TIAM1: variants seen among roughly 807,000 people sequenced by gnomAD.
TIAM1 encodes the protein TIAM Rac1 associated GEF 1, also known as rho guanine nucleotide exchange factor TIAM1.
A neutral mutation model predicts 163.5 loss-of-function variants in TIAM1; 65 were observed. The ratio of observed to expected loss-of-function variants is 0.40; its 90% CI spans 0.33 to 0.49. The LOEUF is 0.49. Ranked by LOEUF, TIAM1 falls within the 20% of genes least tolerant of loss-of-function variation. The probability of loss-of-function intolerance (pLI) is 0.77; values close to 1 mark genes in which losing one functional copy is unlikely to be tolerated. For synonymous variants in TIAM1, 833 were observed against 810.1 expected, an observed-to-expected ratio of 1.03 and a Z score of -0.48; for missense variants, 1,789 against 2,044.7, an observed-to-expected ratio of 0.87 and a Z score of 2.41.
At chr21:31,394,895 T>C (rs2077036266) in intron 2 of TIAM1, among the ~76,000 whole-genome samples, 2 of 152,032 alleles carry the variant, frequency 1.3e-5, no homozygotes, top group South Asian at 2.1e-4. Context: ...CCTTCCATAG[T>C]ATAAAGTGAT....
intron 15 of TIAM1, among the ~76,000 whole-genome samples, chr21:31,167,225 G>A (rs1417502358): frequency 2.6e-5 from 4 of 151,116 alleles, no homozygotes; most frequent in Non-Finnish European, 5.9e-5. Context: ...CCCAGTAGCT[G>A]GGATTACAGG....
At chr21:31,256,681 T>C (rs141591995) in intron 4 of TIAM1, among the ~76,000 whole-genome samples, 1 of 150,538 alleles carries the variant, frequency 6.6e-6, no homozygotes, top group Non-Finnish European at 1.5e-5. Context: ...CAGTATACTC[T>C]CCTTTGATAA....
chr21:31,180,160 C>G (rs2084947161), intron 15 of TIAM1, among the ~76,000 whole-genome samples: 2 of 152,106 alleles, frequency 1.3e-5, no homozygotes, highest in South Asian at 4.1e-4. Flanking sequence ...CCTGCCTTGG[C>G]CTCCCAAAGT....
chr21:31,536,087 C>T (rs1022675327), intron 1 of TIAM1, among the ~76,000 whole-genome samples: 9 of 152,186 alleles, frequency 5.9e-5, no homozygotes, highest in African/African-American at 2.2e-4. Flanking sequence ...AAATGCGGCA[C>T]AGGCAGAGAG....
chr21:31,217,736 G>A lies in TIAM1; in HGVS notation c.1996-37C>T, dbSNP rs566296422. 10 of 1,603,092 alleles carry A rather than the reference G, an allele frequency of 6.2e-6. No individual in the cohort carries two copies. The African/African-American group carries it at 1.3e-4, about 21-fold the overall frequency. On this transcript the variant is annotated intron_variant, in intron 8 of 27. Transcript: ENST00000541036. The stretch of plus-strand genomic sequence containing the variant: ...AAGGACAAGCAGCCACAAGGGAGAT[G>A]CATCAGGACCACCCACTTGTGCCTT...
At chr21:31,541,415 C>T (rs1985245158) in intron 1 of TIAM1, among the ~76,000 whole-genome samples, 1 of 151,970 alleles carries the variant, frequency 6.6e-6, no homozygotes, top group African/African-American at 2.4e-5. Context: ...CAAGATCATG[C>T]CACTGCACTC....
chr21:31,350,127 A>G (rs1302900171), intron 2 of TIAM1, among the ~76,000 whole-genome samples: 1 of 152,154 alleles, frequency 6.6e-6, no homozygotes, highest in African/African-American at 2.4e-5. Context: ...GTCCTTCCCA[A>G]TGGGGTCACA....
chr21:31,209,608 T>C (rs779994831), intron 11 of TIAM1, among the ~76,000 whole-genome samples: 3 of 152,352 alleles, frequency 2.0e-5, no homozygotes, highest in Admixed American at 6.5e-5. Context: ...GACAGAACAG[T>C]ACCCATAATA....
At chr21:31,436,734 G>T (rs560740571) in intron 2 of TIAM1, among the ~76,000 whole-genome samples, 6 of 152,074 alleles carry the variant, frequency 3.9e-5, no homozygotes, top group African/African-American at 1.4e-4. Flanking sequence ...AATGCAGGCA[G>T]ATCGTCTGAG....
intron 2 of TIAM1, among the ~76,000 whole-genome samples, chr21:31,359,406 T>G (rs145420840): frequency 6.6e-6 from 1 of 152,052 alleles, no homozygotes; most frequent in African/African-American, 2.4e-5. Flanking sequence ...AGTGAACAAA[T>G]AGTATTTGCT....
intron 2 of TIAM1, among the ~76,000 whole-genome samples, chr21:31,349,432 G>GT (rs1238099288): frequency 6.6e-6 from 1 of 152,236 alleles, no homozygotes; most frequent in Non-Finnish European, 1.5e-5. Context: ...CACACACACA[G>GT]TAAGGCTTTT....
rs66471514 is a variant in TIAM1 at position 31,376,037 on chromosome 21, T to TA, written c.-368-36616dup. On this transcript the variant is annotated intron_variant, in intron 2 of 28. Coordinates refer to the TIAM1 transcript ENST00000286827. ...GTGAGACTCCACCTCAAAAAAAATTTAAAAAAAAAAGAGTAGAAAAAAATA... is the reference window on the plus strand; with the variant it reads ...GTGAGACTCCACCTCAAAAAAAATTTAAAAAAAAAAAGAGTAGAAAAAAATA... Among the ~76,000 whole-genome samples, 1,105 of 150,056 alleles carry TA rather than the reference T, an allele frequency of 7.4e-3. 12 individuals are homozygous for TA. The highest frequency in any genetic ancestry group is 0.026 in the African/African-American group (1,055 of 40,870).
chr21:31,451,762 A>T lies in TIAM1; in HGVS notation c.-369+12221T>A, dbSNP rs865917061. Among the ~76,000 whole-genome samples, 1,052 of 134,992 alleles carry T rather than the reference A, an allele frequency of 7.8e-3. 21 individuals carry two copies. Among genetic ancestry groups the T allele is most frequent in the Middle Eastern group, 0.038 (10 of 264 alleles). The allele number at this position is 134,992 out of a possible 152,430, so 88.6% of individuals were successfully genotyped here. On this transcript the variant is annotated intron_variant, in intron 2 of 28. Transcript: ENST00000286827. ...GTGTGTGTGTGTGTGTGTGTGTGTG[A>T]GACACAGAGAGAGAGAGAGAGAGAG...
chr21:31,221,907 A>G (rs564098177), intron 8 of TIAM1, among the ~76,000 whole-genome samples: 59 of 152,354 alleles, frequency 3.9e-4, no homozygotes, highest in Admixed American at 7.8e-4. Context: ...TCTGGAGTCA[A>G]AAACTGAAAA....
intron 2 of TIAM1, among the ~76,000 whole-genome samples, chr21:31,461,416 G>A (rs1283556582): frequency 6.6e-6 from 1 of 152,034 alleles, no homozygotes; most frequent in African/African-American, 2.4e-5. Context: ...CCCGGGAGGC[G>A]GAGGTTGGAG....
At chr21:31,298,485 T>TAATCAAGTGATC (rs2074373848) in intron 2 of TIAM1, among the ~76,000 whole-genome samples, 3 of 152,218 alleles carry the variant, frequency 2.0e-5, no homozygotes, top group Admixed American at 2.0e-4. Flanking sequence ...CTACTTGTAA[T>TAATCAAGTGATC]AATCAAGTGA....
rs947296083 is a variant in TIAM1, at chr21:31,478,308, C to G, written c.-421-14273G>C. On this transcript the variant is annotated intron_variant, in intron 1 of 28. Transcript: ENST00000286827. ...CCAGATGAGTCCTCTTAAAATAGAA[C>G]CAAGCTTTCTGTTTAGTCTGGATTT... Among the ~76,000 whole-genome samples the G allele has an allele frequency of 3.3e-4, 50 of 152,090 alleles. 2 individuals carry two copies. Among genetic ancestry groups the G allele is most frequent in the Non-Finnish European group, 7.4e-5 (5 of 68,022 alleles).
chr21:31,548,725 G>A (rs2048585326), intron 1 of TIAM1, among the ~76,000 whole-genome samples: 2 of 151,786 alleles, frequency 1.3e-5, no homozygotes, highest in Admixed American at 1.3e-4. Flanking sequence ...CTGGCCACAA[G>A]CGATCCACCC....
intron 2 of TIAM1, among the ~76,000 whole-genome samples, chr21:31,434,741 C>G (rs1322726735): frequency 6.6e-6 from 1 of 152,172 alleles, no homozygotes; most frequent in African/African-American, 2.4e-5. Flanking sequence ...AGTGTGTGGA[C>G]AGGCTCTAGG....
Sources: allele counts gnomAD v4.1 joint callset (sites outside exome capture counted in the v4.1 genomes callset), GRCh38; gene constraint gnomAD v4.1.1; transcripts MANE v1.5; gene names NCBI Gene and HGNC (gene_info 2026-07-23, HGNC 2026-07-21).